HDX: variants seen among roughly 807,000 people sequenced by gnomAD.
HDX encodes highly divergent homeobox.
Under a neutral mutation model 45.2 loss-of-function variants are expected in HDX, and 19 were observed. The observed-to-expected ratio is 0.42, with a 90% CI of 0.29 to 0.62. HDX has a LOEUF of 0.62. HDX is among the 20% of genes least tolerant of loss of function. The pLI is 0.20. For synonymous variants in HDX, 188 were observed against 172.8 expected (o/e 1.09, Z -0.69); for missense variants, 532 against 493.9 (o/e 1.08, Z -0.73).
intron 2 of HDX, among the ~76,000 whole-genome samples, chrX:84,482,779 A>G (rs752041095): frequency 9.9e-5 from 11 of 111,628 alleles, no homozygotes; most frequent in Non-Finnish European, 1.5e-4. Context: ...TCCAGGATTA[A>G]CCCAAAAGTC....
chrX:84,381,619 T>C (rs908923507), intron 5 of HDX, among the ~76,000 whole-genome samples: 2 of 111,611 alleles, frequency 1.8e-5, no homozygotes, highest in Non-Finnish European at 3.8e-5. Flanking sequence ...GTTTCTTCAA[T>C]AAATGGTGCT....
At chrX:84,427,689 G>T (rs760685301) in intron 5 of HDX, among the ~76,000 whole-genome samples, 1 of 110,734 alleles carries the variant, frequency 9.0e-6, no homozygotes, top group African/African-American at 3.3e-5. Flanking sequence ...TGCACAATTT[G>T]TTCATTTACC....
intron 6 of HDX, among the ~76,000 whole-genome samples, chrX:84,354,244 A>G (rs1321010621): frequency 2.7e-5 from 3 of 111,919 alleles, no homozygotes; most frequent in Non-Finnish European, 5.6e-5. Context: ...CTATGTATTA[A>G]CACCACAAAC....
intron 2 of HDX, among the ~76,000 whole-genome samples, chrX:84,486,202 A>G (rs2040786332): frequency 9.0e-6 from 1 of 111,091 alleles, no homozygotes; most frequent in Non-Finnish European, 1.9e-5. Flanking sequence ...TGTTTTAAGG[A>G]TTACAATGTA....
intron 4 of HDX, among the ~76,000 whole-genome samples, chrX:84,465,751 A>G (rs1379293618): frequency 2.7e-5 from 3 of 111,473 alleles, no homozygotes; most frequent in Non-Finnish European, 5.7e-5. Context: ...GCAAACTACT[A>G]TGGCAGATGT....
intron 5 of HDX, among the ~76,000 whole-genome samples, chrX:84,372,873 A>T (rs376956039): frequency 9.0e-6 from 1 of 111,492 alleles, no homozygotes; most frequent in East Asian, 2.8e-4. Context: ...GCAGAAAATT[A>T]TCCTGCCATC....
chrX:84,494,401 C>A (rs1366442640), intron 1 of HDX, among the ~76,000 whole-genome samples: 2 of 112,045 alleles, frequency 1.8e-5, no homozygotes, highest in Non-Finnish European at 3.8e-5. Flanking sequence ...AAATCACAGT[C>A]TTGTTAATAC....
At chrX:84,338,268 A>T (rs2147786266) in intron 7 of HDX, among the ~76,000 whole-genome samples, 1 of 110,866 alleles carries the variant, frequency 9.0e-6, no homozygotes, top group Non-Finnish European at 1.9e-5. Flanking sequence ...CAGAATTTTG[A>T]TGCAAAGTCC....
chrX:84,342,519 ATG>A (rs3072241), intron 7 of HDX, among the ~76,000 whole-genome samples: 11 of 102,164 alleles, frequency 1.1e-4, no homozygotes, highest in African/African-American at 1.8e-4. Flanking sequence ...ATGTGTGTGC[ATG>A]TGTGTGTGTG....
intron 5 of HDX, among the ~76,000 whole-genome samples, chrX:84,375,776 G>A (rs1328750180): frequency 9.1e-6 from 1 of 110,046 alleles, no homozygotes; most frequent in Non-Finnish European, 1.9e-5. Context: ...GATAGCATTA[G>A]GAGATATACC....
At chrX:84,438,751 T>C (rs971047738) in intron 5 of HDX, among the ~76,000 whole-genome samples, 8 of 111,609 alleles carry the variant, frequency 7.2e-5, no homozygotes, top group African/African-American at 2.6e-4. Context: ...TGCATAGTAT[T>C]TCATGGTGTA....
chrX:84,321,901 T>C lies in HDX; in HGVS notation c.2061A>G (p.Ser687=), dbSNP rs1031982549. 8.4e-7 allele frequency: 1 copy of C among 1,189,362 alleles called. No homozygotes were observed. The highest frequency in any genetic ancestry group is 2.3e-5 in the Admixed American group (1 of 44,379). ...CCTCCAACTGAAATCACAAACTTTCTGAGACATTTTTCTCTGACAAAGAAG... is the reference window on the plus strand; with the variant it reads ...CCTCCAACTGAAATCACAAACTTTCCGAGACATTTTTCTCTGACAAAGAAG... The part of the protein sequence containing the change: ...SVSSLSEKNV[S]ESL Residue 687 remains serine (S), a synonymous_variant, in exon 11 of 11, where the codon TCA becomes TCG. Coordinates refer to ENST00000373177, the MANE Select transcript of HDX (RefSeq NM_001177479.2).
intron 5 of HDX, among the ~76,000 whole-genome samples, chrX:84,413,047 G>T (rs1409061459): frequency 4.5e-5 from 5 of 111,479 alleles, no homozygotes; most frequent in Admixed American, 9.5e-5. Flanking sequence ...CTGCTCCAGT[G>T]TCATTTTATA....
chrX:84,335,917 A>G, intron 8 of HDX, among the ~76,000 whole-genome samples: 1 of 110,978 alleles, frequency 9.0e-6, no homozygotes, highest in East Asian at 2.9e-4. Context: ...TTTATTAAAG[A>G]CATGTGGCAG....
chrX:84,321,795 C>A lies in HDX; in HGVS notation c.*94G>T, dbSNP rs1351740694. 3 of 719,413 alleles carry A rather than the reference C, an allele frequency of 4.2e-6. No homozygotes were observed. The highest frequency in any genetic ancestry group is 5.9e-6 in the Non-Finnish European group (3 of 504,347). The allele number at this position is 719,413 out of a possible 1,213,427, so 59.3% of individuals were successfully genotyped here. A position where few individuals can be genotyped will look rare whatever the true frequency, so the allele number is the denominator to read the frequency against. On this transcript the variant is annotated 3_prime_UTR_variant, in exon 11 of 11. Coordinates refer to ENST00000373177, the MANE Select transcript of HDX (RefSeq NM_001177479.2). Reference sequence around the variant, plus strand: ...CCGTTTCAACAATGTGTTTTCCCAACTAAAGAATACCAGGGCAACAGAATG... The same window carrying A: ...CCGTTTCAACAATGTGTTTTCCCAAATAAAGAATACCAGGGCAACAGAATG...
At chrX:84,343,740 T>C (rs1224973301) in intron 7 of HDX, among the ~76,000 whole-genome samples, 2 of 111,090 alleles carry the variant, frequency 1.8e-5, no homozygotes, top group African/African-American at 6.6e-5. Flanking sequence ...TTTTAATTAT[T>C]TTTTAGAGAA....
chrX:84,479,841 C>T (rs535232903), intron 2 of HDX, among the ~76,000 whole-genome samples: 12 of 111,056 alleles, frequency 1.1e-4, no homozygotes, highest in Middle Eastern at 4.7e-3. Context: ...TATACTTACC[C>T]GCCACTTCTT....
intron 5 of HDX, among the ~76,000 whole-genome samples, chrX:84,401,632 G>A (rs914630032): frequency 8.9e-6 from 1 of 111,741 alleles, no homozygotes; most frequent in East Asian, 2.8e-4. Flanking sequence ...TTCAACCATC[G>A]TGGGAGACAG....
chrX:84,333,644 A>G (rs918114325), intron 9 of HDX, 115 bp downstream of exon 9: 6 of 393,788 alleles, frequency 1.5e-5, no homozygotes, highest in African/African-American at 2.6e-5. Flanking sequence ...GCCAGAAAGA[A>G]TTAATGCAGA....
Sources: allele counts gnomAD v4.1 joint callset (sites outside exome capture counted in the v4.1 genomes callset), GRCh38; gene constraint gnomAD v4.1.1; transcripts MANE v1.5; gene names NCBI Gene and HGNC (gene_info 2026-07-23, HGNC 2026-07-21).